Variants in HMCN1 observed in about 807,000 individuals in gnomAD.
The protein encoded by HMCN1 is hemicentin-1.
A neutral mutation model predicts 625.9 loss-of-function variants in HMCN1; 321 were observed. The observed-to-expected ratio is 0.51, with a 90% CI of 0.47 to 0.56. The LOEUF is 0.56. HMCN1 is among the 20% of genes least tolerant of loss of function. The pLI is 0.00. For missense variants in HMCN1, 6,588 were observed against 6,887.3 expected (o/e 0.96, Z 1.54); for synonymous variants, 2,425 against 2,417.6 (o/e 1.00, Z -0.09).
At chr1:185,910,472 G>T (rs1442483712) in intron 5 of HMCN1, among the ~76,000 whole-genome samples, 1 of 151,964 alleles carries the variant, frequency 6.6e-6, no homozygotes, top group African/African-American at 2.4e-5. Flanking sequence ...TGTACCCATT[G>T]CATTATGTTT....
At chr1:186,134,206 T>C (rs1265859231) in intron 86 of HMCN1, among the ~76,000 whole-genome samples, 1 of 152,190 alleles carries the variant, frequency 6.6e-6, no homozygotes, top group African/African-American at 2.4e-5. Context: ...ATGTGAATGA[T>C]GAAATTAATT....
At chr1:185,844,522 T>A (rs897911322) in intron 1 of HMCN1, among the ~76,000 whole-genome samples, 3 of 152,250 alleles carry the variant, frequency 2.0e-5, no homozygotes, top group African/African-American at 7.2e-5. Flanking sequence ...TAATTATTAT[T>A]CTTTGGAGTT....
chr1:185,748,109 C>A (rs1226403976), intron 1 of HMCN1, among the ~76,000 whole-genome samples: 1 of 115,108 alleles, frequency 8.7e-6, no homozygotes, highest in Non-Finnish European at 1.7e-5. Context: ...TAATAGAGAA[C>A]AAAATTTTAA....
chr1:186,039,104 G>A, intron 38 of HMCN1, 99 bp downstream of exon 38: 2 of 850,892 alleles, frequency 2.4e-6, no homozygotes, highest in South Asian at 2.7e-5. Flanking sequence ...AACAGAATGT[G>A]TTATTGTCAT....
intron 4 of HMCN1, among the ~76,000 whole-genome samples, chr1:185,904,381 A>T (rs1201234113): frequency 6.6e-6 from 1 of 151,882 alleles, no homozygotes; most frequent in Non-Finnish European, 1.5e-5. Flanking sequence ...AATCTTTTTC[A>T]TATCAAATAC....
chr1:185,951,100 C>T (rs1369527998), intron 11 of HMCN1, among the ~76,000 whole-genome samples: 12 of 151,382 alleles, frequency 7.9e-5, no homozygotes, highest in East Asian at 1.9e-4. Flanking sequence ...GGTGCATGAT[C>T]GGTCACCAAG....
chr1:186,162,149 T>G (rs1173660451), intron 97 of HMCN1, among the ~76,000 whole-genome samples: 1 of 152,186 alleles, frequency 6.6e-6, no homozygotes, highest in Non-Finnish European at 1.5e-5. Context: ...ACTTCCCTTC[T>G]CACTTCATTT....
At chr1:186,145,283 A>C (rs759471444) in intron 91 of HMCN1, 120 bp from the exon 92 acceptor site, 8 of 956,486 alleles carry the variant, frequency 8.4e-6, no homozygotes, top group Non-Finnish European at 1.2e-5. Flanking sequence ...ATAGACTTGC[A>C]TGTTTTGTTT....
At chr1:185,923,368 T>A (rs1425291512) in intron 7 of HMCN1, 22 bp from the exon 8 acceptor site, 3 of 1,583,878 alleles carry the variant, frequency 1.9e-6, no homozygotes, top group Non-Finnish European at 2.6e-6. Flanking sequence ...TTGTAAATGA[T>A]AACAAAATCT....
At chr1:186,132,430 A>AGTTTC in intron 86 of HMCN1, 21 bp downstream of exon 86, 1 of 1,545,478 alleles carries the variant, frequency 6.5e-7, no homozygotes, top group Non-Finnish European at 8.9e-7. Flanking sequence ...TAATGAAACT[A>AGTTTC]ATTAAACACT....
rs1659556160 is a variant in HMCN1 at position 186,087,283 on chromosome 1, T to C, written c.9113T>C (p.Ile3038Thr). The part of the protein sequence containing the change: ...SDGGEYTCIA[I>T]NQAGESKKKF... ...GGTGGTGAATACACTTGTATAGCTA[T>C]CAATCAAGCTGGCGAAAGCAAGAAA... is the stretch of plus-strand genomic sequence containing the variant. Residue 3038 changes from isoleucine to threonine, a missense_variant, in exon 59 of 107, where the codon ATC (isoleucine) becomes ACC (threonine). By Grantham distance (89) the Ile-to-Thr change is moderately conservative. Coordinates refer to ENST00000271588, the MANE Select transcript of HMCN1 (RefSeq NM_031935.3). 6 of 1,613,328 alleles carry C rather than the reference T, an allele frequency of 3.7e-6. No homozygotes were observed. The highest frequency in any genetic ancestry group is 1.3e-5 in the African/African-American group (1 of 75,004).
At chr1:186,019,794 C>T (rs1018563003) in intron 35 of HMCN1, 99 bp downstream of exon 35, 2 of 953,748 alleles carry the variant, frequency 2.1e-6, no homozygotes, top group Non-Finnish European at 3.1e-6. Context: ...TCCTGTTGGA[C>T]AGATTTTGCA....
At chr1:186,040,738 G>A (rs764207183) in intron 39 of HMCN1, among the ~76,000 whole-genome samples, 3 of 152,122 alleles carry the variant, frequency 2.0e-5, no homozygotes, top group Non-Finnish European at 4.4e-5. Flanking sequence ...TGTCTTTGTA[G>A]TGAGTATGGA....
At chr1:185,949,546 G>A (rs1305182500) in intron 11 of HMCN1, among the ~76,000 whole-genome samples, 24 of 151,844 alleles carry the variant, frequency 1.6e-4, no homozygotes, top group Admixed American at 9.8e-4. Flanking sequence ...ACGGAGGACC[G>A]TAAGGGATAT....
chr1:186,142,782 G>A (rs1650051101), intron 89 of HMCN1, among the ~76,000 whole-genome samples: 1 of 152,170 alleles, frequency 6.6e-6, no homozygotes, highest in Non-Finnish European at 1.5e-5. Flanking sequence ...GTATTTATAT[G>A]TAGTAGAAAT....
At chr1:185,818,355 A>AC (rs1553245241) in intron 1 of HMCN1, among the ~76,000 whole-genome samples, 1 of 151,052 alleles carries the variant, frequency 6.6e-6, no homozygotes, top group Non-Finnish European at 1.5e-5. Context: ...CTATCAATTT[A>AC]TTTTTTTTTC....
At chr1:186,088,778 T>G (rs1227779388) in intron 63 of HMCN1, 23 bp downstream of exon 63, 1 of 1,592,880 alleles carries the variant, frequency 6.3e-7, no homozygotes, top group Admixed American at 1.7e-5. Context: ...CACTATGATC[T>G]ATCTTCAATT....
intron 1 of HMCN1, among the ~76,000 whole-genome samples, chr1:185,841,756 C>T (rs1366044791): frequency 3.3e-5 from 5 of 152,116 alleles, no homozygotes; most frequent in Admixed American, 3.3e-4. Context: ...GAGGCTGGGC[C>T]ACTTTGGCTA....
At chr1:185,862,241 G>A (rs984328856) in intron 2 of HMCN1, among the ~76,000 whole-genome samples, 6 of 152,102 alleles carry the variant, frequency 3.9e-5, no homozygotes, top group East Asian at 3.9e-4. Flanking sequence ...AAGTAGGAAC[G>A]TGATGTATAT....
Sources: gnomAD v4.1 joint callset for allele counts (sites outside exome capture counted in the v4.1 genomes callset) on GRCh38, gnomAD v4.1.1 for gene constraint, MANE v1.5 for transcripts, NCBI Gene and HGNC (gene_info 2026-07-23, HGNC 2026-07-21) for gene names.